Variants in SYT2 observed in about 807,000 individuals in gnomAD.
SYT2 encodes the protein synaptotagmin-2.
A neutral mutation model predicts 39.9 loss-of-function variants in SYT2; 15 were observed. The observed-to-expected ratio is 0.38, with a 90% CI of 0.25 to 0.58. SYT2 has a LOEUF of 0.58. Ranked by LOEUF, SYT2 falls within the 20% of genes least tolerant of loss-of-function variation. The pLI, the probability that SYT2 is intolerant of heterozygous loss-of-function variation, is 0.70. For synonymous variants in SYT2, 181 were observed against 204.5 expected (o/e 0.89, Z 0.98); for missense variants, 389 against 530.3 (o/e 0.73, Z 2.62).
chr1:202,665,615 G>A (rs993783602), intron 1 of SYT2, among the ~76,000 whole-genome samples: 3 of 147,370 alleles, frequency 2.0e-5, no homozygotes, highest in African/African-American at 7.3e-5. Context: ...TGGGGTCATT[G>A]CTTCATGAAT....
chr1:202,618,675 G>A (rs1388842802), intron 1 of SYT2, among the ~76,000 whole-genome samples: 2 of 152,146 alleles, frequency 1.3e-5, no homozygotes, highest in African/African-American at 4.8e-5. Flanking sequence ...GATGTTGCAT[G>A]GGTAGAGACC....
At chr1:202,607,881 CTTTT>C (rs34654342) in intron 1 of SYT2, among the ~76,000 whole-genome samples, 1 of 150,488 alleles carries the variant, frequency 6.6e-6, no homozygotes, top group Admixed American at 6.6e-5. Flanking sequence ...GCTCTGTGAC[CTTTT>C]TTTTTTAAAA....
intron 1 of SYT2, among the ~76,000 whole-genome samples, chr1:202,701,825 C>G (rs1338439005): frequency 6.6e-6 from 1 of 152,182 alleles, no homozygotes; most frequent in East Asian, 1.9e-4. Flanking sequence ...GTAAACTTCA[C>G]AAGGGCCTGT....
chr1:202,604,797 T>A (rs1157160428), intron 2 of SYT2, among the ~76,000 whole-genome samples, 176 bp from the exon 3 acceptor site: 2 of 148,346 alleles, frequency 1.3e-5, no homozygotes, highest in Non-Finnish European at 3.0e-5. Context: ...ATACTTTGCA[T>A]GCCTTTTCAA....
chr1:202,604,665 T>TG lies in SYT2; in HGVS notation c.179-45dup, dbSNP rs568123407. 4.1e-3 allele frequency: 6,465 copies of TG among 1,591,664 alleles called. 21 individuals are homozygous for TG. The highest frequency in any genetic ancestry group is 5.2e-3 in the Non-Finnish European group (6,048 of 1,165,810). On this transcript the variant is annotated intron_variant, in intron 2 of 8. Transcript: ENST00000367268. ...TCCCAGGGTCAGCAGTGCCATGCCT[T>TG]GCAGCCCCTGACCCCGTAGCATTGG...
At chr1:202,686,688 T>C (rs4950739) in intron 1 of SYT2, among the ~76,000 whole-genome samples, 150,105 of 152,234 alleles carry the variant, frequency 0.99, 74,034 homozygotes, top group Middle Eastern at 1. Flanking sequence ...CCCTCTGTCA[T>C]TCCTACGTCA....
intron 1 of SYT2, chr1:202,632,474 C>T (rs1321200628): frequency 2.5e-6 from 2 of 811,248 alleles, no homozygotes; most frequent in Non-Finnish European, 3.0e-6. Flanking sequence ...ACTCTATAAC[C>T]AGTGGAAGAA....
chr1:202,685,971 G>T (rs561370504), intron 1 of SYT2, among the ~76,000 whole-genome samples: 121 of 152,176 alleles, frequency 8.0e-4, no homozygotes, highest in African/African-American at 2.7e-3. Context: ...GAGTGCTCCT[G>T]CCAGGAAACC....
chr1:202,645,468 G>A (rs543305992), intron 1 of SYT2, among the ~76,000 whole-genome samples: 2 of 152,280 alleles, frequency 1.3e-5, no homozygotes, highest in African/African-American at 4.8e-5. Context: ...GATGCTAAGG[G>A]TCTGGGGCAG....
Position 202,593,195 on chromosome 1 carries a change from A to C in SYT2, c.*3562T>G, listed in dbSNP as rs910626268. 6.6e-6 allele frequency: 1 copy of C among 152,248 alleles called. No individual in the cohort carries two copies. The highest frequency in any genetic ancestry group is 2.4e-5 in the African/African-American group (1 of 41,442). 9.4% of individuals were successfully genotyped at this position (152,248 alleles called of 1,614,324 possible). A position where few individuals can be genotyped will look rare whatever the true frequency, so the allele number is the denominator to read the frequency against. On this transcript the variant is annotated 3_prime_UTR_variant, in exon 9 of 9. Transcript: ENST00000367268. Reference sequence around the variant, plus strand: ...TGAGTGGGAGGGGACACCCTCAGGGACAGTTTTTCTCTCTGTGAGGCTGGG... The same window carrying C: ...TGAGTGGGAGGGGACACCCTCAGGGCCAGTTTTTCTCTCTGTGAGGCTGGG...
Position 202,595,119 on chromosome 1 carries a change from G to A in SYT2, c.*1638C>T, listed in dbSNP as rs1158502829. 6.6e-6 allele frequency: 1 copy of A among 152,284 alleles called. No homozygotes were observed. The highest frequency in any genetic ancestry group is 1.9e-4 in the East Asian group (1 of 5,196). 9.4% of individuals were successfully genotyped at this position (152,284 alleles called of 1,614,324 possible). On this transcript the variant is annotated 3_prime_UTR_variant, in exon 9 of 9. Transcript: ENST00000367268. ...CAAGGGCCTGAGGGCTTCATGGATG[G>A]AAAAGAGAGGTCAAAGGAAGGCAGG... is the stretch of plus-strand genomic sequence containing the variant.
chr1:202,610,104 T>C (rs1035831826), intron 1 of SYT2, among the ~76,000 whole-genome samples: 57 of 152,318 alleles, frequency 3.7e-4, no homozygotes, highest in Admixed American at 5.9e-4. Flanking sequence ...TTTCTACATA[T>C]GGCTAGCCAG....
chr1:202,643,399 C>G (rs1691988414), intron 1 of SYT2: 1 of 152,758 alleles, frequency 6.5e-6, no homozygotes, highest in Non-Finnish European at 1.5e-5. Flanking sequence ...CCGGCCCTGC[C>G]GCTGCGGCCC....
chr1:202,676,883 T>A (rs1021114469), intron 1 of SYT2, among the ~76,000 whole-genome samples: 4 of 152,224 alleles, frequency 2.6e-5, no homozygotes, highest in Non-Finnish European at 5.9e-5. Flanking sequence ...AATCCCCACA[T>A]GTTGAAGGAG....
chr1:202,706,880 C>T (rs1654266195), intron 1 of SYT2, among the ~76,000 whole-genome samples: 1 of 152,194 alleles, frequency 6.6e-6, no homozygotes, highest in Non-Finnish European at 1.5e-5. Flanking sequence ...GTTATCAGTT[C>T]TACAATACTA....
At chr1:202,638,573 T>G (rs1282167058) in intron 1 of SYT2, among the ~76,000 whole-genome samples, 4 of 152,162 alleles carry the variant, frequency 2.6e-5, no homozygotes, top group East Asian at 1.9e-4. Flanking sequence ...TAAGGGAAAT[T>G]TATTAGGGAT....
chr1:202,626,730 G>C (rs1220407935), intron 1 of SYT2, among the ~76,000 whole-genome samples: 2 of 152,140 alleles, frequency 1.3e-5, no homozygotes, highest in Non-Finnish European at 2.9e-5. Context: ...TACCTCTGAA[G>C]GCAAGCGGCA....
At chr1:202,632,784 G>C (rs1691630431) in intron 1 of SYT2, 1 of 154,412 alleles carries the variant, frequency 6.5e-6, no homozygotes, top group African/African-American at 2.4e-5. Flanking sequence ...TGCAGGATTT[G>C]GGACCAGACA....
At chr1:202,686,096 A>T (rs934880412) in intron 1 of SYT2, among the ~76,000 whole-genome samples, 58 of 152,298 alleles carry the variant, frequency 3.8e-4, no homozygotes, top group African/African-American at 1.4e-3. Flanking sequence ...GTTGAAATGT[A>T]ACCCCCAATG....
Sources: allele counts gnomAD v4.1 joint callset (sites outside exome capture counted in the v4.1 genomes callset), GRCh38; gene constraint gnomAD v4.1.1; transcripts MANE v1.5; gene names NCBI Gene and HGNC (gene_info 2026-07-23, HGNC 2026-07-21).